The following LARP1 variants were observed in gnomAD, a reference collection of about 807,000 sequenced individuals.
The protein encoded by LARP1 is la-related protein 1.
In LARP1, 36 loss-of-function variants were observed where a neutral mutation model predicts 122.7. The observed-to-expected ratio is 0.29, with a 90% CI of 0.22 to 0.39. The LOEUF (loss-of-function observed/expected upper bound fraction) is 0.39, where lower values mean the gene tolerates loss of function less well. Ranked by LOEUF, LARP1 falls within the 10% of genes least tolerant of loss-of-function variation. The pLI, the probability that LARP1 is intolerant of heterozygous loss-of-function variation, is 1.00. For missense variants in LARP1, 1,040 were observed against 1,403.6 expected (o/e 0.74, Z 4.14); for synonymous variants, 539 against 528.7 (o/e 1.02, Z -0.27).
intron 1 of LARP1, among the ~76,000 whole-genome samples, chr5:154,757,950 C>G (rs1754133831): frequency 6.8e-6 from 1 of 147,686 alleles, no homozygotes; most frequent in Admixed American, 6.8e-5. Context: ...ATGCAAAAGA[C>G]AGTGCTGAAA....
At chr5:154,756,439 G>A in intron 1 of LARP1, 4 of 992,204 alleles carry the variant, frequency 4.0e-6, no homozygotes, top group Admixed American at 6.1e-5. Flanking sequence ...GCAGCGGTTA[G>A]TGGGCAACGG....
intron 1 of LARP1, among the ~76,000 whole-genome samples, chr5:154,722,637 A>G (rs1755943841): frequency 6.6e-6 from 1 of 150,778 alleles, no homozygotes; most frequent in Non-Finnish European, 1.5e-5. Flanking sequence ...CCTCATTCTT[A>G]GAATGTTAGA....
At chr5:154,704,860 G>A (rs2113264339) in intron 1 of LARP1, among the ~76,000 whole-genome samples, 1 of 152,198 alleles carries the variant, frequency 6.6e-6, no homozygotes, top group East Asian at 1.9e-4. Flanking sequence ...GCTCACGCCT[G>A]TAATTCTAGC....
At chr5:154,739,255 C>CAG (rs1757087035) in intron 1 of LARP1, among the ~76,000 whole-genome samples, 6 of 152,038 alleles carry the variant, frequency 3.9e-5, no homozygotes, top group Non-Finnish European at 8.8e-5. Flanking sequence ...CTCCTGACCT[C>CAG]GTGATCCGCC....
intron 1 of LARP1, among the ~76,000 whole-genome samples, chr5:154,787,663 T>C (rs1756996563): frequency 6.6e-6 from 1 of 152,194 alleles, no homozygotes; most frequent in African/African-American, 2.4e-5. Context: ...TGGGGGTTTT[T>C]TTCTCCTTGT....
intron 16 of LARP1, among the ~76,000 whole-genome samples, chr5:154,809,762 C>T (rs1192150117): frequency 2.8e-5 from 4 of 142,166 alleles, no homozygotes; most frequent in African/African-American, 8.0e-5. Flanking sequence ...TGCAGTGGTG[C>T]GATCTTGCCT....
chr5:154,785,623 C>T (rs983520593), intron 1 of LARP1, among the ~76,000 whole-genome samples: 1 of 152,106 alleles, frequency 6.6e-6, no homozygotes, highest in Non-Finnish European at 1.5e-5. Flanking sequence ...TAAGTCCATC[C>T]CATAGCAAAG....
In LARP1 at chr5:154,813,867, G is replaced by T. The variant is rs769232993; in HGVS notation, c.3082-20G>T. ...GTAGATAGTGCTTCTGATCACCTGT[G>T]ACTCCTTCCTCTGTTGCAGCCCCCC... On this transcript the variant is annotated intron_variant, in intron 18 of 18. Coordinates refer to ENST00000518297, the MANE Select transcript of LARP1 (RefSeq NM_033551.3). 28 of 1,609,352 alleles carry T rather than the reference G, an allele frequency of 1.7e-5. No individual in the cohort carries two copies. The highest frequency in any genetic ancestry group is 1.8e-4 in the Middle Eastern group (1 of 5,458).
At chr5:154,810,282 A>C (rs932629874) in intron 16 of LARP1, among the ~76,000 whole-genome samples, 16 of 151,326 alleles carry the variant, frequency 1.1e-4, no homozygotes, top group Admixed American at 1.3e-4. Flanking sequence ...CTAAAAATAC[A>C]CAAATTAGCT....
At chr5:154,757,156 TC>T (rs1160055909) in intron 1 of LARP1, 1 of 150,714 alleles carries the variant, frequency 6.6e-6, no homozygotes, top group East Asian at 2.0e-4. Context: ...TTCCCAGCAT[TC>T]CTCTGCAGCC....
rs746039338 is a variant in LARP1 at position 154,685,876 on chromosome 5, C to G, written c.-180+2839C>G. The G allele has an allele frequency of 1.2e-5, 6 of 506,580 alleles. No homozygotes were observed. In the East Asian group the frequency reaches 1.7e-4, roughly 14 times the overall value. The allele number at this position is 506,580 out of a possible 1,614,324, so 31.4% of individuals were successfully genotyped here. ...TGCCAGGCTTTGTGCAGCATGTAAA[C>G]TGTACAGCCCTAAGTGGGAGCCCTA... On this transcript the variant is annotated intron_variant, in intron 1 of 18. Coordinates refer to the LARP1 transcript ENST00000687700.
intron 1 of LARP1, among the ~76,000 whole-genome samples, chr5:154,685,251 A>G (rs1415715960): frequency 1.3e-5 from 2 of 151,468 alleles, no homozygotes; most frequent in East Asian, 1.9e-4. Context: ...CTCAGAAAAA[A>G]AAAAAAAAGA....
chr5:154,789,445 T>G (rs1408909229), intron 1 of LARP1, among the ~76,000 whole-genome samples: 1 of 151,968 alleles, frequency 6.6e-6, no homozygotes, highest in African/African-American at 2.4e-5. Flanking sequence ...GGTCTCAAAC[T>G]CCTGACCTCG....
chr5:154,743,683 G>T (rs536466386), intron 1 of LARP1, among the ~76,000 whole-genome samples: 1 of 151,452 alleles, frequency 6.6e-6, no homozygotes, highest in Non-Finnish European at 1.5e-5. Context: ...ATAGTGGCAC[G>T]ATCTGGACTT....
Position 154,790,362 on chromosome 5 carries a change from TC to T in LARP1, c.476del (p.Pro159LeufsTer24). 6.2e-7 allele frequency: 1 copy of T among 1,613,764 alleles called. No individual in the cohort carries two copies. Among genetic ancestry groups the T allele is most frequent in the Non-Finnish European group, 8.5e-7 (1 of 1,179,882 alleles). Reference protein sequence around the residue: ...APAKVVRAAVPKQRKGSKVGD... With the variant: ...APAKVVRAAVXKQRKGSKVGD... ...CAGCCAAGGTGGTGAGGGCAGCTGT[TC>T]CTAAACAGCGCAAAGGCAGCAAGGT... On this transcript the variant is annotated frameshift_variant, in exon 2 of 19. Transcript: ENST00000518297. LOFTEE classifies it high-confidence loss of function.
At chr5:154,736,972 C>T (rs1297382594) in intron 1 of LARP1, among the ~76,000 whole-genome samples, 2 of 152,150 alleles carry the variant, frequency 1.3e-5, no homozygotes, top group Admixed American at 6.6e-5. Flanking sequence ...CACATCCTTG[C>T]TAACTCTTGT....
At chr5:154,689,618 T>TAA (rs61699481) in intron 1 of LARP1, among the ~76,000 whole-genome samples, 8 of 131,852 alleles carry the variant, frequency 6.1e-5, no homozygotes, top group African/African-American at 1.1e-4. Flanking sequence ...TGACTCCGTT[T>TAA]AAAAAAAAAA....
intron 1 of LARP1, among the ~76,000 whole-genome samples, chr5:154,781,613 A>C (rs77175292): frequency 0.081 from 12,314 of 152,056 alleles, 560 homozygotes; most frequent in Admixed American, 0.15. Context: ...GAAAAAAAAA[A>C]CGGAAAAATA....
intron 1 of LARP1, among the ~76,000 whole-genome samples, chr5:154,705,083 A>G (rs544440578): frequency 7.7e-5 from 11 of 143,010 alleles, no homozygotes; most frequent in African/African-American, 2.9e-4. Flanking sequence ...ACGCCACTGC[A>G]CTCCAGCCTG....
Sources: gnomAD v4.1 joint callset for allele counts (sites outside exome capture counted in the v4.1 genomes callset) on GRCh38, gnomAD v4.1.1 for gene constraint, MANE v1.5 for transcripts, NCBI Gene and HGNC (gene_info 2026-07-23, HGNC 2026-07-21) for gene names.